Variants in CADPS2 observed in about 807,000 individuals in gnomAD.
CADPS2 encodes calcium-dependent secretion activator 2.
CADPS2 carries 93 observed loss-of-function variants against 172.5 expected under a neutral mutation model. The observed-to-expected ratio is 0.54, with a 90% confidence interval of 0.46 to 0.64. The LOEUF (loss-of-function observed/expected upper bound fraction) is 0.64. CADPS2 is among the 30% of genes least tolerant of loss of function. The probability of loss-of-function intolerance (pLI) is 0.00; values close to 1 mark genes in which losing one functional copy is unlikely to be tolerated. For missense variants in CADPS2, 1,420 were observed against 1,565.9 expected, an observed-to-expected ratio of 0.91 and a Z score of 1.57; for synonymous variants, 546 against 555.2, an observed-to-expected ratio of 0.98 and a Z score of 0.23.
At chr7:122,484,044 TG>T (rs148708883) in intron 11 of CADPS2, among the ~76,000 whole-genome samples, 2,616 of 152,272 alleles carry the variant, frequency 0.017, 44 homozygotes, top group East Asian at 0.08. Flanking sequence ...TTCCAAGGAC[TG>T]ACCTATAGAT....
At chr7:122,673,861 G>C (rs970863187) in intron 2 of CADPS2, among the ~76,000 whole-genome samples, 5 of 151,824 alleles carry the variant, frequency 3.3e-5, no homozygotes, top group Non-Finnish European at 7.4e-5. Flanking sequence ...CCGTGGAGCA[G>C]GAGGTGGTGC....
intron 1 of CADPS2, among the ~76,000 whole-genome samples, chr7:122,884,854 G>A (rs539455731): frequency 6.6e-6 from 1 of 152,298 alleles, no homozygotes; most frequent in African/African-American, 2.4e-5. Flanking sequence ...ATCTAAATGG[G>A]GGTAGGAGAA....
chr7:122,497,449 T>C (rs1484135747), intron 9 of CADPS2, among the ~76,000 whole-genome samples: 2 of 152,320 alleles, frequency 1.3e-5, no homozygotes, highest in South Asian at 4.1e-4. Flanking sequence ...AGAAACTATA[T>C]ATTTCTTTTC....
intron 20 of CADPS2, among the ~76,000 whole-genome samples, chr7:122,407,130 C>T (rs913249212): frequency 3.3e-5 from 5 of 152,176 alleles, no homozygotes; most frequent in Admixed American, 2.0e-4. Context: ...GCAATATTAC[C>T]GCAATGGACT....
intron 17 of CADPS2, among the ~76,000 whole-genome samples, chr7:122,437,519 G>C (rs1243233895): frequency 2.0e-5 from 3 of 151,856 alleles, no homozygotes; most frequent in African/African-American, 7.3e-5. Context: ...TTTTATAAAG[G>C]ATTATTTACT....
Position 122,705,936 on chromosome 7 carries a change from T to A in CADPS2, c.453+31019A>T, listed in dbSNP as rs1196210547. On this transcript the variant is annotated intron_variant, in intron 2 of 29. Coordinates refer to ENST00000449022, the MANE Select transcript of CADPS2 (RefSeq NM_017954.11). ...TTATATAATATAATATATAATATAT[T>A]ATATAATATAATATATAATATATAT... Among the ~76,000 whole-genome samples, 46 of 6,614 alleles carry A rather than the reference T, an allele frequency of 7.0e-3. 10 individuals carry two copies. Among genetic ancestry groups the A allele is most frequent in the African/African-American group, 0.028 (46 of 1,644 alleles). 4.3% of individuals were successfully genotyped at this position (6,614 alleles called of 152,430 possible). A position where few individuals can be genotyped will look rare whatever the true frequency, so the allele number is the denominator to read the frequency against.
intron 1 of CADPS2, among the ~76,000 whole-genome samples, chr7:122,862,526 C>G (rs1267469776): frequency 1.3e-5 from 2 of 152,212 alleles, no homozygotes; most frequent in African/African-American, 4.8e-5. Flanking sequence ...CTATAGTTCC[C>G]ACCCAGTTCT....
At chr7:122,729,675 GGTTT>G (rs1562875045) in intron 2 of CADPS2, among the ~76,000 whole-genome samples, 1 of 94,998 alleles carries the variant, frequency 1.1e-5, no homozygotes, top group African/African-American at 3.8e-5. Flanking sequence ...CATTTTTAAC[GGTTT>G]TTTTTTTTTT....
intron 17 of CADPS2, chr7:122,420,849 C>T (rs2048455922): frequency 1.3e-5 from 2 of 152,300 alleles, no homozygotes; most frequent in Admixed American, 1.3e-4. Context: ...CACTCCTTGG[C>T]TCATTGAAAC....
intron 3 of CADPS2, among the ~76,000 whole-genome samples, chr7:122,655,390 C>G (rs1407300087): frequency 6.6e-6 from 1 of 152,072 alleles, no homozygotes. Flanking sequence ...ACTAATATAG[C>G]CAACCTAGTC....
intron 1 of CADPS2, among the ~76,000 whole-genome samples, chr7:122,826,451 A>G: frequency 6.6e-6 from 1 of 152,360 alleles, no homozygotes; most frequent in Non-Finnish European, 1.5e-5. Flanking sequence ...ATCTCAAACT[A>G]AATGAAAAGA....
chr7:122,642,271 C>T (rs1237770396), intron 3 of CADPS2, among the ~76,000 whole-genome samples: 1 of 133,754 alleles, frequency 7.5e-6, no homozygotes, highest in Non-Finnish European at 1.6e-5. Context: ...CACAGTGAGA[C>T]TCCATCTCAA....
intron 2 of CADPS2, among the ~76,000 whole-genome samples, chr7:122,693,053 A>G (rs2084604398): frequency 6.6e-6 from 1 of 152,182 alleles, no homozygotes; most frequent in Non-Finnish European, 1.5e-5. Context: ...CCTGCACTCT[A>G]AACTTGCTGA....
intron 20 of CADPS2, among the ~76,000 whole-genome samples, chr7:122,395,050 G>A (rs1452651103): frequency 6.6e-6 from 1 of 152,180 alleles, no homozygotes; most frequent in African/African-American, 2.4e-5. Context: ...AACTCCAATA[G>A]CAGTGTCTTA....
chr7:122,626,696 C>G (rs1262450767), intron 4 of CADPS2, among the ~76,000 whole-genome samples: 1 of 152,168 alleles, frequency 6.6e-6, no homozygotes, highest in African/African-American at 2.4e-5. Context: ...ATATTTTTGT[C>G]TCATTTTATC....
intron 22 of CADPS2, among the ~76,000 whole-genome samples, chr7:122,390,424 G>T: frequency 6.6e-6 from 1 of 152,032 alleles, no homozygotes; most frequent in East Asian, 1.9e-4. Flanking sequence ...AATACAATTG[G>T]CAAAGAAGCA....
chr7:122,683,703 G>T (rs2083313849), intron 2 of CADPS2, among the ~76,000 whole-genome samples: 1 of 151,826 alleles, frequency 6.6e-6, no homozygotes, highest in African/African-American at 2.4e-5. Context: ...AGTACAGAAG[G>T]GCGGTCCTCT....
At chr7:122,487,982 G>A (rs568880263) in intron 11 of CADPS2, among the ~76,000 whole-genome samples, 2 of 152,262 alleles carry the variant, frequency 1.3e-5, no homozygotes, top group Non-Finnish European at 2.9e-5. Context: ...TGAGATTGAC[G>A]CTAAATGCAC....
chr7:122,558,517 G>C (rs989283390), intron 7 of CADPS2, among the ~76,000 whole-genome samples: 10 of 151,968 alleles, frequency 6.6e-5, no homozygotes, highest in Non-Finnish European at 7.4e-5. Context: ...ATGATTTCTT[G>C]TCTTAAACAT....
Sources: allele counts gnomAD v4.1 joint callset (sites outside exome capture counted in the v4.1 genomes callset), GRCh38; gene constraint gnomAD v4.1.1; transcripts MANE v1.5; gene names NCBI Gene and HGNC (gene_info 2026-07-23, HGNC 2026-07-21).